ADK: variants seen among roughly 807,000 people sequenced by gnomAD.
ADK encodes the protein N6,N6-dimethyladenosine kinase.
A neutral mutation model predicts 44.7 loss-of-function variants in ADK; 24 were observed. The ratio of observed to expected loss-of-function variants is 0.54; its 90% confidence interval spans 0.39 to 0.76. ADK has a LOEUF of 0.76. ADK is among the 30% of genes least tolerant of loss of function. ADK has a pLI of 0.00. For synonymous variants in ADK, 128 were observed against 142.6 expected (o/e 0.90, Z 0.73); for missense variants, 321 against 425.1 (o/e 0.76, Z 2.15).
chr10:74,400,111 G>T (rs899281304), intron 6 of ADK, among the ~76,000 whole-genome samples: 1 of 152,020 alleles, frequency 6.6e-6, no homozygotes. Context: ...TTATACTTAC[G>T]TGCAATTTTG....
At chr10:74,172,719 C>T (rs941874035) in intron 1 of ADK, among the ~76,000 whole-genome samples, 55 of 142,310 alleles carry the variant, frequency 3.9e-4, no homozygotes, top group Admixed American at 1.4e-4. Context: ...AAGCGGATCA[C>T]GAGGTCAGGA....
chr10:74,371,602 C>T, intron 4 of ADK: 1 of 1,119,634 alleles, frequency 8.9e-7, no homozygotes, highest in East Asian at 2.4e-5. Flanking sequence ...GCAGCAGGAA[C>T]CTGCTTAGGT....
At chr10:74,250,717 GGTA>G (rs1040725577) in intron 3 of ADK, among the ~76,000 whole-genome samples, 2 of 151,970 alleles carry the variant, frequency 1.3e-5, no homozygotes, top group Non-Finnish European at 2.9e-5. Flanking sequence ...TCTCTTATAG[GGTA>G]GTAGTAGTAG....
chr10:74,224,032 C>T (rs187204294), intron 2 of ADK, among the ~76,000 whole-genome samples: 1 of 152,178 alleles, frequency 6.6e-6, no homozygotes, highest in East Asian at 1.9e-4. Flanking sequence ...GAGTCAAGAT[C>T]GTGCCACTGC....
intron 1 of ADK, among the ~76,000 whole-genome samples, chr10:74,171,804 GTC>G (rs531929633): frequency 0.022 from 3,216 of 147,520 alleles, 38 homozygotes; most frequent in Non-Finnish European, 0.032. Context: ...GTCTCTCTCT[GTC>G]TCTCTGTGTG....
intron 3 of ADK, among the ~76,000 whole-genome samples, chr10:74,235,157 G>A (rs1160200219): frequency 1.4e-5 from 2 of 140,920 alleles, no homozygotes; most frequent in East Asian, 2.0e-4. Context: ...GAAACTTTCC[G>A]GTTTGACTTG....
chr10:74,360,005 A>G (rs1321520726), intron 4 of ADK, among the ~76,000 whole-genome samples: 1 of 152,168 alleles, frequency 6.6e-6, no homozygotes, highest in African/African-American at 2.4e-5. Flanking sequence ...TGACAACTTA[A>G]TAAATTCACT....
At chr10:74,435,010 A>G (rs759834957) in intron 6 of ADK, among the ~76,000 whole-genome samples, 5 of 152,212 alleles carry the variant, frequency 3.3e-5, no homozygotes, top group Non-Finnish European at 7.3e-5. Context: ...ATAAAAAATA[A>G]CTTGGCCTTC....
Position 74,151,299 on chromosome 10 carries a change from G to T in ADK, c.21G>T (p.Glu7Asp). 1 of 1,549,634 alleles carries T rather than the reference G, an allele frequency of 6.5e-7. No individual in the cohort carries two copies. Among genetic ancestry groups the T allele is most frequent in the Non-Finnish European group, 8.7e-7 (1 of 1,146,826 alleles). MAAAEE[E>D]PKPKKLKVEA... is the part of the protein sequence containing the mutation. ...CGAAGATGGCAGCTGCTGAGGAGGA[G>T]CCGAAGCCCAAAAAGCTGAAGGTGG... Residue 7 changes from glutamate (E) to aspartate (D), a missense_variant, in exon 1 of 11, where the codon GAG (glutamate) becomes GAT (aspartate). Glu to Asp is a conservative substitution (Grantham distance 45). Transcript: ENST00000539909.
intron 3 of ADK, among the ~76,000 whole-genome samples, chr10:74,308,767 GT>G (rs1227896491): frequency 6.6e-6 from 1 of 152,064 alleles, no homozygotes; most frequent in African/African-American, 2.4e-5. Flanking sequence ...TGTTAATGTT[GT>G]TTTTATGCTG....
intron 6 of ADK, among the ~76,000 whole-genome samples, chr10:74,457,692 A>G (rs1438788351): frequency 1.3e-5 from 2 of 152,266 alleles, no homozygotes; most frequent in Non-Finnish European, 2.9e-5. Context: ...CAGCCATAAA[A>G]AAGGATGAGT....
intron 3 of ADK, among the ~76,000 whole-genome samples, chr10:74,292,848 T>TTTC (rs1839669299): frequency 6.6e-6 from 1 of 152,198 alleles, no homozygotes; most frequent in Non-Finnish European, 1.5e-5. Context: ...AGTAGCTTCT[T>TTTC]AGTTACTTTC....
At chr10:74,167,633 A>G (rs1046361680) in intron 1 of ADK, among the ~76,000 whole-genome samples, 1 of 152,210 alleles carries the variant, frequency 6.6e-6, no homozygotes, top group Non-Finnish European at 1.5e-5. Context: ...GGCAGCTCCA[A>G]GAGACCAAAG....
At chr10:74,383,593 G>A (rs760297590) in intron 4 of ADK, among the ~76,000 whole-genome samples, 1 of 152,122 alleles carries the variant, frequency 6.6e-6, no homozygotes, top group South Asian at 2.1e-4. Flanking sequence ...CAAAAGTTAA[G>A]TACACTAATT....
intron 3 of ADK, among the ~76,000 whole-genome samples, chr10:74,303,392 T>C (rs1366254436): frequency 6.6e-6 from 1 of 152,074 alleles, no homozygotes; most frequent in African/African-American, 2.4e-5. Flanking sequence ...AAAAACACAC[T>C]TTCAGTTTTA....
chr10:74,380,445 G>A (rs1319272669), intron 4 of ADK, among the ~76,000 whole-genome samples: 2 of 152,136 alleles, frequency 1.3e-5, no homozygotes, highest in Admixed American at 1.3e-4. Flanking sequence ...TAAGGTGGTT[G>A]TTTTTCTTTA....
In ADK at chr10:74,299,511, A is replaced by G. The variant is rs1376384159; in HGVS notation, c.195-15156A>G. On this transcript the variant is annotated intron_variant, in intron 3 of 10. Transcript: ENST00000539909. ...CAAGACTCTGTCTCAAAAAAAAAAA[A>G]AGAAATATATATATATATATAAAAT... is the stretch of plus-strand genomic sequence containing the variant. 2.6e-4 allele frequency among the ~76,000 whole-genome samples: 24 copies of G among 91,524 alleles called. No homozygotes were observed. In the East Asian group the frequency reaches 4.9e-3, roughly 19 times the overall value. The allele number at this position is 91,524 out of a possible 152,430, so 60.0% of individuals were successfully genotyped here.
Position 74,151,257 on chromosome 10 carries a change from A to G in ADK, c.-22A>G, listed in dbSNP as rs1564561960. On this transcript the variant is annotated 5_prime_UTR_variant, in exon 1 of 11. Transcript: ENST00000539909. ...GATGGCAGAGGTGGGCTGTAGAGCCAAAGTGGGGTGGGAGCGCGAAGATGG... is the reference window on the plus strand; with the variant it reads ...GATGGCAGAGGTGGGCTGTAGAGCCGAAGTGGGGTGGGAGCGCGAAGATGG... 1 of 1,549,638 alleles carries G rather than the reference A, an allele frequency of 6.5e-7. No individual in the cohort carries two copies. Among genetic ancestry groups the G allele is most frequent in the Non-Finnish European group, 8.7e-7 (1 of 1,146,862 alleles).
intron 6 of ADK, among the ~76,000 whole-genome samples, chr10:74,473,572 A>G (rs183855208): frequency 5.3e-5 from 8 of 152,292 alleles, no homozygotes; most frequent in African/African-American, 1.9e-4. Flanking sequence ...AGTTTGTAGG[A>G]TATCTTTCAA....
Sources: gnomAD v4.1 joint callset for allele counts (sites outside exome capture counted in the v4.1 genomes callset) on GRCh38, gnomAD v4.1.1 for gene constraint, MANE v1.5 for transcripts, NCBI Gene and HGNC (gene_info 2026-07-23, HGNC 2026-07-21) for gene names.